Variants in TTC7B observed in about 807,000 individuals in gnomAD.
The protein encoded by TTC7B is tetratricopeptide repeat domain 7B, also known as tetratricopeptide repeat protein 7B.
In TTC7B, 28 loss-of-function variants were observed where a neutral mutation model predicts 106.8. The ratio of observed to expected loss-of-function variants is 0.26; its 90% CI spans 0.19 to 0.36. The LOEUF is 0.36. Among genes scored for constraint, TTC7B ranks in the 10% least tolerant of loss-of-function variants. TTC7B has a pLI of 1.00. For synonymous variants in TTC7B, 405 were observed against 430.6 expected, an observed-to-expected ratio of 0.94 and a Z score of 0.74; for missense variants, 862 against 1,076.4, an observed-to-expected ratio of 0.80 and a Z score of 2.79.
At chr14:90,777,110 C>T (rs1262106095) in intron 3 of TTC7B, among the ~76,000 whole-genome samples, 2 of 152,138 alleles carry the variant, frequency 1.3e-5, no homozygotes, top group African/African-American at 4.8e-5. Context: ...TGTGATAGTG[C>T]ACACCTGTAA....
Position 90,556,597 on chromosome 14 carries a change from A to G in TTC7B, c.2311-15008T>C, listed in dbSNP as rs10450946. Among the ~76,000 whole-genome samples, 506 of 152,252 alleles carry G rather than the reference A, an allele frequency of 3.3e-3. 2 individuals are homozygous for G. Among genetic ancestry groups the G allele is most frequent in the African/African-American group, 0.011 (461 of 41,544 alleles). ...TTCCCCAACAAGAAGTCAGGCAGAAACCAACAGCACAGAGCAGCCTGGAAG... is the reference window on the plus strand; with the variant it reads ...TTCCCCAACAAGAAGTCAGGCAGAAGCCAACAGCACAGAGCAGCCTGGAAG... On this transcript the variant is annotated intron_variant, in intron 19 of 19. Coordinates refer to ENST00000328459, the MANE Select transcript of TTC7B (RefSeq NM_001010854.2).
rs1476151644 is a variant in TTC7B, at chr14:90,802,792, C to A, written c.121+13383G>T. On this transcript the variant is annotated intron_variant, in intron 1 of 19. Transcript: ENST00000328459. The surrounding 1 kb of genome is among the most constrained non-coding windows in gnomAD (Gnocchi z 4.7). Reference sequence around the variant, plus strand: ...AGGCAGAGAGCCGGGTGTAACAGGGCAGGGACACTGTCAAGCAGCGGGGTT... The same window carrying A: ...AGGCAGAGAGCCGGGTGTAACAGGGAAGGGACACTGTCAAGCAGCGGGGTT... Among the ~76,000 whole-genome samples, 1 of 152,052 alleles carries A rather than the reference C, an allele frequency of 6.6e-6. No individual in the cohort carries two copies. The highest frequency in any genetic ancestry group is 1.5e-5 in the Non-Finnish European group (1 of 68,018).
rs1271569888 is a variant in TTC7B, at chr14:90,600,380, T to A, written c.1967-6754A>T. On this transcript the variant is annotated intron_variant, in intron 17 of 19. Transcript: ENST00000328459. The surrounding 1 kb of genome is among the most constrained non-coding windows in gnomAD (Gnocchi z 4.3). ...TGCCCTCGCGCCTTGTGTCCCCCAG[T>A]GTGACAGCAGGGGCGGGGCCGCTGC... Among the ~76,000 whole-genome samples, 4 of 152,134 alleles carry A rather than the reference T, an allele frequency of 2.6e-5. No homozygotes were observed. The highest frequency in any genetic ancestry group is 9.7e-5 in the African/African-American group (4 of 41,424).
chr14:90,547,534 G>A (rs940248497), intron 19 of TTC7B, among the ~76,000 whole-genome samples: 23 of 152,234 alleles, frequency 1.5e-4, no homozygotes, highest in African/African-American at 5.1e-4. Context: ...TGTGGCTCAC[G>A]CCTGTAATCC....
chr14:90,591,215 C>T (rs1199888857), intron 18 of TTC7B, among the ~76,000 whole-genome samples: 1 of 152,114 alleles, frequency 6.6e-6, no homozygotes, highest in Non-Finnish European at 1.5e-5. Context: ...GTGGCAGGCA[C>T]CTGTAATCCC....
At chr14:90,788,400 A>G (rs1425213626) in intron 1 of TTC7B, among the ~76,000 whole-genome samples, 1 of 152,222 alleles carries the variant, frequency 6.6e-6, no homozygotes, top group East Asian at 1.9e-4. Flanking sequence ...ACATGTAGGC[A>G]AAGGCCTGAG....
chr14:90,756,687 G>A (rs755596142), intron 3 of TTC7B, among the ~76,000 whole-genome samples: 1 of 152,094 alleles, frequency 6.6e-6, no homozygotes, highest in Non-Finnish European at 1.5e-5. Flanking sequence ...GAGCCACCGC[G>A]CCTGGCCGAG....
At chr14:90,814,255 A>C (rs1000672955) in intron 1 of TTC7B, among the ~76,000 whole-genome samples, 4 of 152,210 alleles carry the variant, frequency 2.6e-5, no homozygotes, top group African/African-American at 9.7e-5. Flanking sequence ...GAAGGTGAAT[A>C]GGAAGGGCCC....
At chr14:90,568,554 C>T (rs534755585) in intron 19 of TTC7B, among the ~76,000 whole-genome samples, 104 of 152,274 alleles carry the variant, frequency 6.8e-4, no homozygotes, top group South Asian at 1.5e-3. Flanking sequence ...CAAAAGGCAC[C>T]GCATGCTTGC....
chr14:90,687,059 G>A (rs1887277151), intron 7 of TTC7B, among the ~76,000 whole-genome samples: 1 of 151,442 alleles, frequency 6.6e-6, no homozygotes, highest in South Asian at 2.1e-4. Context: ...TTGGGAGACA[G>A]GAAGGTGACA....
intron 19 of TTC7B, among the ~76,000 whole-genome samples, chr14:90,574,102 C>A (rs1195703305): frequency 3.9e-5 from 6 of 152,214 alleles, no homozygotes; most frequent in African/African-American, 1.2e-4. Flanking sequence ...TTCTCTGCTC[C>A]TCTGTCCACC....
At chr14:90,732,002 A>T (rs533737640) in intron 4 of TTC7B, among the ~76,000 whole-genome samples, 4 of 152,204 alleles carry the variant, frequency 2.6e-5, no homozygotes, top group Admixed American at 1.3e-4. Context: ...AAAAGAAAAT[A>T]AAAAAATCAC....
At chr14:90,686,762 C>T (rs1489817044) in intron 7 of TTC7B, among the ~76,000 whole-genome samples, 1 of 152,132 alleles carries the variant, frequency 6.6e-6, no homozygotes, top group South Asian at 2.1e-4. Flanking sequence ...TTTGCATGCA[C>T]ACATGTGCAC....
intron 3 of TTC7B, among the ~76,000 whole-genome samples, chr14:90,752,782 T>A (rs1890175510): frequency 6.6e-6 from 1 of 152,220 alleles, no homozygotes; most frequent in South Asian, 2.1e-4. Flanking sequence ...CGACCCCTGG[T>A]CTATCTGACT....
chr14:90,719,377 C>T (rs1888793021), intron 5 of TTC7B, among the ~76,000 whole-genome samples: 1 of 152,232 alleles, frequency 6.6e-6, no homozygotes, highest in African/African-American at 2.4e-5. Context: ...TACTAGGCAA[C>T]ACTTCCTATG....
intron 1 of TTC7B, among the ~76,000 whole-genome samples, chr14:90,793,308 G>C (rs1891650311): frequency 6.7e-6 from 1 of 148,788 alleles, no homozygotes; most frequent in African/African-American, 2.5e-5. Context: ...CGGATCACCT[G>C]AGGTCAGGAG....
At chr14:90,605,469 A>G in intron 17 of TTC7B, 1 of 879,244 alleles carries the variant, frequency 1.1e-6, no homozygotes, top group Non-Finnish European at 1.4e-6. Flanking sequence ...TTGGATTTTC[A>G]AATGAGCAAG....
intron 5 of TTC7B, among the ~76,000 whole-genome samples, chr14:90,707,306 C>A (rs1337957952): frequency 6.6e-6 from 1 of 152,152 alleles, no homozygotes; most frequent in African/African-American, 2.4e-5. Context: ...CCCCACTGAC[C>A]AGCCATTTCC....
At chr14:90,589,538 TACAG>T (rs1450886371) in intron 18 of TTC7B, among the ~76,000 whole-genome samples, 3 of 152,256 alleles carry the variant, frequency 2.0e-5, no homozygotes, top group South Asian at 4.1e-4. Context: ...ACTTGTTCAG[TACAG>T]ACAGATTTTT....
Sources: gnomAD v4.1 joint callset for allele counts (sites outside exome capture counted in the v4.1 genomes callset) on GRCh38, gnomAD v4.1.1 for gene constraint, Gnocchi (gnomAD v3.1) non-coding constraint, MANE v1.5 for transcripts, NCBI Gene and HGNC (gene_info 2026-07-23, HGNC 2026-07-21) for gene names.